The following TMC1 variants were observed in gnomAD, a reference collection of about 807,000 sequenced individuals.
TMC1 encodes transmembrane channel like 1.
A neutral mutation model predicts 105.8 loss-of-function variants in TMC1; 84 were observed. The ratio of observed to expected loss-of-function variants is 0.79; its 90% CI spans 0.67 to 0.95. The LOEUF (loss-of-function observed/expected upper bound fraction) is 0.95, where lower values mean the gene tolerates loss of function less well. TMC1 is among the 40% of genes least tolerant of loss of function. TMC1 has a pLI of 0.00. For synonymous variants in TMC1, 315 were observed against 311.5 expected (o/e 1.01, Z -0.12); for missense variants, 817 against 914.1 (o/e 0.89, Z 1.37).
chr9:72,539,074 T>C (rs902316342), intron 1 of TMC1, among the ~76,000 whole-genome samples: 6 of 136,116 alleles, frequency 4.4e-5, no homozygotes. Flanking sequence ...TCTTGAATGC[T>C]GTGTTGCTTA....
chr9:72,573,908 C>G (rs1432091934), intron 1 of TMC1, among the ~76,000 whole-genome samples: 1 of 152,070 alleles, frequency 6.6e-6, no homozygotes. Flanking sequence ...GCTCAGTACT[C>G]AATAGTTATC....
Position 72,792,358 on chromosome 9 carries a change from G to A in TMC1, c.1566+6G>A. On this transcript the variant is annotated splice_donor_region_variant and intron_variant, in intron 17 of 23. Coordinates refer to ENST00000297784, the MANE Select transcript of TMC1 (RefSeq NM_138691.3). ...GGGAAACAATGGTGGGACAGGTAATGCCACCAACAGAAGTGTATGGCAATT... is the reference window on the plus strand; with the variant it reads ...GGGAAACAATGGTGGGACAGGTAATACCACCAACAGAAGTGTATGGCAATT... 6.2e-7 allele frequency: 1 copy of A among 1,613,946 alleles called. No individual in the cohort carries two copies. Among genetic ancestry groups the A allele is most frequent in the Non-Finnish European group, 8.5e-7 (1 of 1,179,892 alleles).
chr9:72,703,331 C>T (rs936595379), intron 8 of TMC1, among the ~76,000 whole-genome samples: 5 of 151,934 alleles, frequency 3.3e-5, no homozygotes, highest in South Asian at 4.2e-4. Context: ...CTTACTATGT[C>T]GCCCAGGCTG....
chr9:72,759,164 C>G (rs1827715784), intron 12 of TMC1, among the ~76,000 whole-genome samples: 1 of 152,044 alleles, frequency 6.6e-6, no homozygotes, highest in African/African-American at 2.4e-5. Flanking sequence ...CGCTGCATGG[C>G]CCCAAGAGGT....
At chr9:72,633,871 T>G (rs1365286946) in intron 4 of TMC1, among the ~76,000 whole-genome samples, 1 of 152,178 alleles carries the variant, frequency 6.6e-6, no homozygotes, top group Non-Finnish European at 1.5e-5. Context: ...TCCGATCCCA[T>G]GGACTAAAAG....
chr9:72,664,948 G>A (rs1369463854), intron 5 of TMC1, among the ~76,000 whole-genome samples: 1 of 152,112 alleles, frequency 6.6e-6, no homozygotes, highest in East Asian at 1.9e-4. Flanking sequence ...TGCCACCGTG[G>A]GATGGGAACC....
At chr9:72,773,770 T>G (rs1827967574) in intron 13 of TMC1, among the ~76,000 whole-genome samples, 1 of 152,200 alleles carries the variant, frequency 6.6e-6, no homozygotes, top group Admixed American at 6.5e-5. Flanking sequence ...GAATAGTTTC[T>G]CATGTCTGAT....
At chr9:72,821,921 A>G (rs922551950) in intron 20 of TMC1, among the ~76,000 whole-genome samples, 2 of 152,244 alleles carry the variant, frequency 1.3e-5, no homozygotes, top group Non-Finnish European at 2.9e-5. Flanking sequence ...TTTGTTATCC[A>G]AAATATCACA....
At chr9:72,553,024 A>G (rs1056457090) in intron 1 of TMC1, among the ~76,000 whole-genome samples, 2 of 151,920 alleles carry the variant, frequency 1.3e-5, no homozygotes, top group Admixed American at 6.6e-5. Context: ...CCCAGGCTGG[A>G]GTGCAACGGC....
intron 5 of TMC1, among the ~76,000 whole-genome samples, chr9:72,679,858 T>A (rs1826259451): frequency 6.6e-6 from 1 of 152,102 alleles, no homozygotes; most frequent in Non-Finnish European, 1.5e-5. Context: ...AACTGGAGTA[T>A]GCCTATTTCA....
rs541148990 is a variant in TMC1, at chr9:72,599,939, C to G, written c.-305-16429C>G. ...ACTATTATAATGCAATGTAAAATTACTGCAAGAGATATGAACACAGTGCTC... is the reference window on the plus strand; with the variant it reads ...ACTATTATAATGCAATGTAAAATTAGTGCAAGAGATATGAACACAGTGCTC... On this transcript the variant is annotated intron_variant, in intron 2 of 23. Coordinates refer to ENST00000297784, the MANE Select transcript of TMC1 (RefSeq NM_138691.3). 5.2e-4 allele frequency among the ~76,000 whole-genome samples: 79 copies of G among 152,268 alleles called. 1 individual carries two copies. The highest frequency in any genetic ancestry group is 5.2e-3 in the Admixed American group (79 of 15,292).
intron 18 of TMC1, among the ~76,000 whole-genome samples, chr9:72,808,537 A>G (rs747902609): frequency 1.3e-5 from 2 of 152,204 alleles, no homozygotes; most frequent in Non-Finnish European, 1.5e-5. Context: ...CCTCTGTTAG[A>G]AAGAATACTC....
intron 3 of TMC1, among the ~76,000 whole-genome samples, chr9:72,623,630 T>C (rs113991599): frequency 0.012 from 1,829 of 152,258 alleles, 44 homozygotes; most frequent in African/African-American, 0.041. Context: ...TTCTATTCTT[T>C]AGTTCCTCGA....
chr9:72,721,912 A>G (rs967539026), intron 8 of TMC1, among the ~76,000 whole-genome samples: 8 of 152,148 alleles, frequency 5.3e-5, no homozygotes, highest in East Asian at 1.9e-4. Context: ...AAACCCTTCA[A>G]TGTCTCCCTA....
chr9:72,652,091 C>T (rs1303562601), intron 5 of TMC1, among the ~76,000 whole-genome samples: 1 of 152,094 alleles, frequency 6.6e-6, no homozygotes, highest in Non-Finnish European at 1.5e-5. Flanking sequence ...ATTTTTTGAT[C>T]ATGACCATTG....
chr9:72,747,134 T>A (rs1396605551), intron 10 of TMC1, among the ~76,000 whole-genome samples: 2 of 152,142 alleles, frequency 1.3e-5, no homozygotes, highest in Non-Finnish European at 2.9e-5. Flanking sequence ...AGAAACCTAT[T>A]TTTTTTCAGA....
At chr9:72,764,558 C>A (rs973858429) in intron 12 of TMC1, among the ~76,000 whole-genome samples, 1 of 152,140 alleles carries the variant, frequency 6.6e-6, no homozygotes, top group Non-Finnish European at 1.5e-5. Context: ...GTCTCTCAGA[C>A]ACTTCTTTGG....
At chr9:72,776,636 C>T (rs1190843706) in intron 13 of TMC1, among the ~76,000 whole-genome samples, 1 of 152,130 alleles carries the variant, frequency 6.6e-6, no homozygotes, top group Non-Finnish European at 1.5e-5. Flanking sequence ...TGTGCTTCTC[C>T]TTACGTAGGC....
intron 5 of TMC1, among the ~76,000 whole-genome samples, chr9:72,660,500 ATC>A (rs1273022292): frequency 6.6e-6 from 1 of 152,180 alleles, no homozygotes; most frequent in Admixed American, 6.5e-5. Context: ...GTCTTTCTAC[ATC>A]TGTTCCAACT....
Sources: allele counts gnomAD v4.1 joint callset (sites outside exome capture counted in the v4.1 genomes callset), GRCh38; gene constraint gnomAD v4.1.1; transcripts MANE v1.5; gene names NCBI Gene and HGNC (gene_info 2026-07-23, HGNC 2026-07-21).